BCL9: variants seen among roughly 807,000 people sequenced by gnomAD.
BCL9 encodes BCL9 transcription coactivator.
Under a neutral mutation model 88.5 loss-of-function variants are expected in BCL9, and 25 were observed. The ratio of observed to expected loss-of-function variants is 0.28; its 90% confidence interval spans 0.21 to 0.39. BCL9 has a LOEUF of 0.39. Ranked by LOEUF, BCL9 falls within the 10% of genes least tolerant of loss-of-function variation. The probability of loss-of-function intolerance (pLI) is 1.00; values close to 1 mark genes in which losing one functional copy is unlikely to be tolerated. For missense variants in BCL9, 1,817 were observed against 1,877.8 expected (o/e 0.97, Z 0.60); for synonymous variants, 711 against 673.3 (o/e 1.06, Z -0.87).
Position 147,620,284 on chromosome 1 carries a change from G to C in BCL9, c.2129G>C (p.Gly710Ala). 1 of 1,614,098 alleles carries C rather than the reference G, an allele frequency of 6.2e-7. No homozygotes were observed. Among genetic ancestry groups the C allele is most frequent in the Non-Finnish European group, 8.5e-7 (1 of 1,179,940 alleles). Residue 710 changes from glycine to alanine, a missense_variant, in exon 8 of 10, where the codon GGG becomes GCG. Coordinates refer to ENST00000234739, the MANE Select transcript of BCL9 (RefSeq NM_004326.4). ...QMGPGRELEF[G>A]MVPSGMKGDV... ...GGCCCTGGTCGGGAACTTGAGTTTG[G>C]GATGGTTCCTAGTGGGATGAAGGGA...
chr1:147,572,611 G>A (rs1655935730), intron 1 of BCL9, among the ~76,000 whole-genome samples: 1 of 152,190 alleles, frequency 6.6e-6, no homozygotes, highest in South Asian at 2.1e-4. Flanking sequence ...ACAGAGTCTT[G>A]CTCTGTCACC....
At chr1:147,575,904 A>C (rs587621376) in intron 1 of BCL9, among the ~76,000 whole-genome samples, 1 of 152,160 alleles carries the variant, frequency 6.6e-6, no homozygotes, top group Non-Finnish European at 1.5e-5. Flanking sequence ...TGTACCTAAC[A>C]CTTTCAGAAT....
intron 1 of BCL9, among the ~76,000 whole-genome samples, chr1:147,604,250 G>A (rs1382505224): frequency 1.3e-5 from 2 of 152,096 alleles, no homozygotes; most frequent in African/African-American, 4.8e-5. Context: ...CCGTCCCCCA[G>A]GTCTATCCAC....
intron 1 of BCL9, among the ~76,000 whole-genome samples, chr1:147,582,700 AT>A (rs1262139549): frequency 5.0e-4 from 76 of 152,366 alleles, no homozygotes; most frequent in African/African-American, 1.8e-3. Context: ...GTGTCCATAA[AT>A]AAAGTATTTC....
At chr1:147,601,731 C>T (rs1310641115) in intron 1 of BCL9, among the ~76,000 whole-genome samples, 5 of 152,184 alleles carry the variant, frequency 3.3e-5, no homozygotes, top group African/African-American at 7.2e-5. Context: ...TTAAGAAAGA[C>T]ATCCTTATTC....
At chr1:147,613,280 G>C in intron 5 of BCL9, 81 bp downstream of exon 5, 1 of 1,445,808 alleles carries the variant, frequency 6.9e-7, no homozygotes, top group Non-Finnish European at 9.7e-7. Context: ...AGAGGCCAGA[G>C]AGCCTAATAT....
intron 1 of BCL9, among the ~76,000 whole-genome samples, chr1:147,565,669 C>T (rs1440610132): frequency 6.6e-6 from 1 of 152,204 alleles, no homozygotes; most frequent in African/African-American, 2.4e-5. Flanking sequence ...CTTACTTCTT[C>T]TTTACACACT....
At chr1:147,616,831 A>AAGAT (rs1658308459) in intron 7 of BCL9, among the ~76,000 whole-genome samples, 1 of 152,180 alleles carries the variant, frequency 6.6e-6, no homozygotes, top group East Asian at 1.9e-4. Context: ...ATTGAACCAA[A>AAGAT]AGATACTTCT....
At chr1:147,605,851 G>A (rs976086075) in intron 2 of BCL9, among the ~76,000 whole-genome samples, 5 of 152,150 alleles carry the variant, frequency 3.3e-5, no homozygotes, top group Admixed American at 1.3e-4. Flanking sequence ...GCATAGAAAT[G>A]AAATTTGTTA....
At chr1:147,591,721 C>T (rs1441687033) in intron 1 of BCL9, among the ~76,000 whole-genome samples, 2 of 152,154 alleles carry the variant, frequency 1.3e-5, no homozygotes, top group African/African-American at 4.8e-5. Context: ...CCTGGCCATC[C>T]TCCCCTCCTG....
chr1:147,620,381 G>A lies in BCL9; in HGVS notation c.2226G>A (p.Ala742=), dbSNP rs781842714. The A allele has an allele frequency of 1.2e-5, 19 of 1,614,028 alleles. No homozygotes were observed. The highest frequency in any genetic ancestry group is 1.0e-4 in the Admixed American group (6 of 60,002). ...CTCAGAAGATGAGAGAGGCTGGGGC[G>A]GGCCCTGAGGAGATGCTGAAATTAC... The part of the protein sequence containing the change: ...MIPQKMREAG[A]GPEEMLKLRP... Residue 742 remains alanine (A), a synonymous_variant, in exon 8 of 10, where the codon GCG becomes GCA. Transcript: ENST00000234739.
At chr1:147,616,226 T>A (rs628306) in intron 7 of BCL9, among the ~76,000 whole-genome samples, 102,820 of 151,874 alleles carry the variant, frequency 0.68, 34,897 homozygotes, top group East Asian at 0.72. Flanking sequence ...GCAGGTTTTT[T>A]AAAAATAACA....
chr1:147,557,403 A>G (rs1422413520), intron 1 of BCL9, among the ~76,000 whole-genome samples: 3 of 152,320 alleles, frequency 2.0e-5, no homozygotes, highest in African/African-American at 7.2e-5. Context: ...AGTTTATTAT[A>G]TGCTTCTTGT....
chr1:147,617,068 A>G (rs1553203965), intron 7 of BCL9, among the ~76,000 whole-genome samples: 1 of 152,244 alleles, frequency 6.6e-6, no homozygotes, highest in African/African-American at 2.4e-5. Context: ...AGACATAAGC[A>G]GAGCTTAGGC....
Position 147,619,481 on chromosome 1 carries a change from A to G in BCL9, c.1326A>G (p.Pro442=). 1 of 1,614,158 alleles carries G rather than the reference A, an allele frequency of 6.2e-7. No individual in the cohort carries two copies. The highest frequency in any genetic ancestry group is 1.1e-5 in the South Asian group (1 of 91,076). The part of the protein sequence containing the change: ...PQGHRDVPFS[P]DEMVPPSMNS... ...GACATAGAGATGTACCCTTTTCTCC[A>G]GATGAAATGGTTCCACCTTCTATGA... is the stretch of plus-strand genomic sequence containing the variant. Residue 442 remains proline, a synonymous_variant, in exon 8 of 10, where the codon CCA becomes CCG. Transcript: ENST00000234739. This position sits in a 1 kb window ranked among gnomAD's most constrained non-coding sequence, Gnocchi z 4.1.
chr1:147,623,274 C>G lies in BCL9; in HGVS notation c.3164-568C>G, dbSNP rs587727235. Among the ~76,000 whole-genome samples the G allele has an allele frequency of 7.1e-4, 108 of 152,144 alleles. 1 individual carries two copies. In the South Asian group the frequency reaches 0.022, roughly 31 times the overall value. On this transcript the variant is annotated intron_variant, in intron 9 of 9. Coordinates refer to ENST00000234739, the MANE Select transcript of BCL9 (RefSeq NM_004326.4). The stretch of plus-strand genomic sequence containing the variant: ...TCGGTGGTAATTCCAACAGAGACAC[C>G]AAATACTTCAATGTCCCAGGGACTG...
chr1:147,599,828 G>A (rs926068789), intron 1 of BCL9, among the ~76,000 whole-genome samples: 1 of 151,620 alleles, frequency 6.6e-6, no homozygotes, highest in African/African-American at 2.4e-5. Context: ...CCTGCGGGAA[G>A]CTGGGGGCGG....
intron 1 of BCL9, among the ~76,000 whole-genome samples, chr1:147,552,300 A>G (rs1233760832): frequency 6.6e-6 from 1 of 152,192 alleles, no homozygotes; most frequent in Non-Finnish European, 1.5e-5. Context: ...ATAAAGTAGC[A>G]TTGTAATGAC....
At chr1:147,578,769 T>C (rs1656219836) in intron 1 of BCL9, among the ~76,000 whole-genome samples, 1 of 152,256 alleles carries the variant, frequency 6.6e-6, no homozygotes, top group South Asian at 2.1e-4. Context: ...TCATATTAAC[T>C]TGTGTGGTTA....
Sources: gnomAD v4.1 joint callset for allele counts (sites outside exome capture counted in the v4.1 genomes callset) on GRCh38, gnomAD v4.1.1 for gene constraint, Gnocchi (gnomAD v3.1) non-coding constraint, MANE v1.5 for transcripts, NCBI Gene and HGNC (gene_info 2026-07-23, HGNC 2026-07-21) for gene names.